Variants in NIPBL observed in about 807,000 individuals in gnomAD.
NIPBL encodes the protein nipped-B-like protein.
In NIPBL, 19 loss-of-function variants were observed where a neutral mutation model predicts 321.8. The observed-to-expected ratio is 0.06, with a 90% CI of 0.04 to 0.09. The LOEUF (loss-of-function observed/expected upper bound fraction) is 0.09. Ranked by LOEUF, NIPBL falls within the 10% of genes least tolerant of loss-of-function variation. The pLI is 1.00. For missense variants in NIPBL, 2,210 were observed against 3,327.0 expected, an observed-to-expected ratio of 0.66 and a Z score of 8.26; for synonymous variants, 1,106 against 1,114.1, an observed-to-expected ratio of 0.99 and a Z score of 0.14.
chr5:37,042,146 T>A (rs1241587751), intron 34 of NIPBL, among the ~76,000 whole-genome samples: 1 of 151,926 alleles, frequency 6.6e-6, no homozygotes, highest in African/African-American at 2.4e-5. Context: ...ACTCAAAAAG[T>A]CCAAAATGGG....
In NIPBL at chr5:37,063,849, A is replaced by G. The variant is rs1339004014; in HGVS notation, c.7920A>G (p.Ser2640=). The change falls in exon 46 of 47, where the codon TCA becomes TCG. Residue 2640 remains serine (S), a synonymous_variant. Coordinates refer to ENST00000282516, the MANE Select transcript of NIPBL (RefSeq NM_133433.4). ...AAGAAGAAGAAGAAGGGGAGGTTTC[A>G]GCTAGCACAAATGCTCGGAACAAAG... ...PDEEEEEGEV[S]ASTNARNKAI... 6.2e-7 allele frequency: 1 copy of G among 1,614,122 alleles called. No homozygotes were observed. Among genetic ancestry groups the G allele is most frequent in the South Asian group, 1.1e-5 (1 of 91,040 alleles).
chr5:36,980,697 T>C (rs1003077600), intron 9 of NIPBL, among the ~76,000 whole-genome samples: 1 of 151,684 alleles, frequency 6.6e-6, no homozygotes, highest in Non-Finnish European at 1.5e-5. Flanking sequence ...GAATATACTA[T>C]ATGATGTTCA....
intron 6 of NIPBL, among the ~76,000 whole-genome samples, chr5:36,965,626 C>G (rs768441129): frequency 2.9e-4 from 44 of 151,952 alleles, no homozygotes; most frequent in Non-Finnish European, 5.0e-4. Flanking sequence ...CTGTAGTTGA[C>G]AGCAATCTAT....
At chr5:37,004,599 C>T (rs1057122142) in intron 16 of NIPBL, among the ~76,000 whole-genome samples, 2 of 152,094 alleles carry the variant, frequency 1.3e-5, no homozygotes, top group South Asian at 2.1e-4. Flanking sequence ...TAGAGCCAAG[C>T]GCTCACTCTG....
chr5:37,009,678 A>T (rs1470173049), intron 20 of NIPBL, among the ~76,000 whole-genome samples: 1 of 152,238 alleles, frequency 6.6e-6, no homozygotes, highest in African/African-American at 2.4e-5. Context: ...AGCATAGATG[A>T]TCAAGAGCTG....
chr5:36,914,272 C>T (rs934312745), intron 1 of NIPBL, among the ~76,000 whole-genome samples: 12 of 152,336 alleles, frequency 7.9e-5, no homozygotes, highest in African/African-American at 2.9e-4. Flanking sequence ...ATGTGTCTGT[C>T]ACATATTGTA....
chr5:36,919,573 A>C (rs1748756725), intron 1 of NIPBL, among the ~76,000 whole-genome samples: 1 of 152,118 alleles, frequency 6.6e-6, no homozygotes, highest in Admixed American at 6.6e-5. Flanking sequence ...GATTTTGAAC[A>C]CACCCTGTGA....
At chr5:37,023,965 A>C (rs1156995459) in intron 29 of NIPBL, among the ~76,000 whole-genome samples, 1 of 151,842 alleles carries the variant, frequency 6.6e-6, no homozygotes, top group African/African-American at 2.4e-5. Context: ...CAGGAGTTCA[A>C]GACCAGCCTG....
intron 1 of NIPBL, among the ~76,000 whole-genome samples, chr5:36,887,389 A>G (rs1561348708): frequency 2.0e-5 from 3 of 152,260 alleles, no homozygotes; most frequent in Non-Finnish European, 2.9e-5. Context: ...CATAGATTAT[A>G]GTGAATAACA....
At chr5:36,980,144 T>G (rs574247486) in intron 9 of NIPBL, among the ~76,000 whole-genome samples, 21 of 151,722 alleles carry the variant, frequency 1.4e-4, no homozygotes, top group Non-Finnish European at 2.5e-4. Flanking sequence ...CTGCGAACTT[T>G]CCTTTGGAAA....
At chr5:36,880,183 G>A (rs1745397600) in intron 1 of NIPBL, among the ~76,000 whole-genome samples, 1 of 151,964 alleles carries the variant, frequency 6.6e-6, no homozygotes, top group Non-Finnish European at 1.5e-5. Context: ...GCCGAAAAAT[G>A]TATTTTCTAA....
At position 36,952,062 on chromosome 5, in the gene NIPBL, G is replaced by GCA. The variant is rs1478985176; in HGVS notation, c.-79-1555_-79-1554insAC. ...TGTGTGTGTGTGTGTGTGCGCGCGC[G>GCA]CGCGCGCGCGCATGTGTGTGTGTAG... is the stretch of plus-strand genomic sequence containing the variant. On this transcript the variant is annotated intron_variant, in intron 1 of 46. Coordinates refer to ENST00000282516, the MANE Select transcript of NIPBL (RefSeq NM_133433.4). Among the ~76,000 whole-genome samples, 16 of 132,290 alleles carry GCA rather than the reference G, an allele frequency of 1.2e-4. No homozygotes were observed. In the East Asian group the frequency reaches 2.1e-3, roughly 17 times the overall value. 86.8% of individuals were successfully genotyped at this position (132,290 alleles called of 152,430 possible).
At chr5:36,990,436 G>T in intron 10 of NIPBL, among the ~76,000 whole-genome samples, 1 of 146,538 alleles carries the variant, frequency 6.8e-6, no homozygotes, top group South Asian at 2.2e-4. Flanking sequence ...ATTCCTAAAT[G>T]AGGAATTTTC....
chr5:36,966,307 C>G (rs1052120795), intron 6 of NIPBL, among the ~76,000 whole-genome samples: 1 of 151,974 alleles, frequency 6.6e-6, no homozygotes, highest in Admixed American at 6.6e-5. Flanking sequence ...TAGAATATTT[C>G]ATATTCTAAA....
At chr5:36,964,055 G>T (rs758494452) in intron 6 of NIPBL, among the ~76,000 whole-genome samples, 1 of 152,028 alleles carries the variant, frequency 6.6e-6, no homozygotes, top group Non-Finnish European at 1.5e-5. Flanking sequence ...TTTTAATGTA[G>T]TTTGAGGACC....
chr5:36,968,688 C>T (rs2149616340), intron 6 of NIPBL, among the ~76,000 whole-genome samples: 1 of 152,096 alleles, frequency 6.6e-6, no homozygotes, highest in East Asian at 1.9e-4. Flanking sequence ...CAGCAAGACC[C>T]CATCTGTATG....
At chr5:36,910,762 T>G (rs1379518923) in intron 1 of NIPBL, among the ~76,000 whole-genome samples, 1 of 152,174 alleles carries the variant, frequency 6.6e-6, no homozygotes, top group African/African-American at 2.4e-5. Context: ...TCAGTACTGG[T>G]GATCTATTGC....
At chr5:36,918,074 G>A (rs941956121) in intron 1 of NIPBL, among the ~76,000 whole-genome samples, 15 of 151,962 alleles carry the variant, frequency 9.9e-5, no homozygotes, top group Non-Finnish European at 2.1e-4. Flanking sequence ...GTCATTGGTA[G>A]CTTGATGGAG....
chr5:37,020,343 T>A, intron 25 of NIPBL, 116 bp from the exon 26 acceptor site: 2 of 734,644 alleles, frequency 2.7e-6, no homozygotes, highest in East Asian at 5.4e-5. Flanking sequence ...ACATGGAAGT[T>A]GTTTTAAAGT....
Sources: gnomAD v4.1 joint callset for allele counts (sites outside exome capture counted in the v4.1 genomes callset) on GRCh38, gnomAD v4.1.1 for gene constraint, MANE v1.5 for transcripts, NCBI Gene and HGNC (gene_info 2026-07-23, HGNC 2026-07-21) for gene names.